RB1CC1: variants seen among roughly 807,000 people sequenced by gnomAD.
RB1CC1 encodes RB1 inducible coiled-coil 1.
RB1CC1 carries 46 observed loss-of-function variants against 177.5 expected under a neutral mutation model. The ratio of observed to expected loss-of-function variants is 0.26; its 90% CI spans 0.20 to 0.33. The LOEUF is 0.33. RB1CC1 is among the 10% of genes least tolerant of loss of function. The pLI is 1.00. For synonymous variants in RB1CC1, 666 were observed against 613.6 expected, an observed-to-expected ratio of 1.09 and a Z score of -1.26; for missense variants, 1,703 against 1,816.3, an observed-to-expected ratio of 0.94 and a Z score of 1.13.
intron 18 of RB1CC1, among the ~76,000 whole-genome samples, chr8:52,638,462 A>C (rs1849320938): frequency 6.6e-6 from 1 of 152,110 alleles, no homozygotes; most frequent in Non-Finnish European, 1.5e-5. Context: ...ATTAGTATAT[A>C]ATACTGGCCT....
chr8:52,635,837 G>C (rs1225805810), intron 19 of RB1CC1, among the ~76,000 whole-genome samples, 178 bp downstream of exon 19: 1 of 152,008 alleles, frequency 6.6e-6, no homozygotes, highest in African/African-American at 2.4e-5. Context: ...CAACTGTTTA[G>C]CTAGTAAGAT....
rs534101604 is a variant in RB1CC1, at chr8:52,635,069, C to A, written c.4393-101G>T. ...TTTCATCAGACAAAAATGTTTGGTT[C>A]GGGTATGAAAAGTTGATGGGGATAT... is the stretch of plus-strand genomic sequence containing the variant. On this transcript the variant is annotated intron_variant, in intron 19 of 23. Transcript: ENST00000025008. 6 of 1,100,278 alleles carry A rather than the reference C, an allele frequency of 5.5e-6. No individual in the cohort carries two copies. In the Admixed American group the frequency reaches 7.9e-5, roughly 14 times the overall value. The allele number at this position is 1,100,278 out of a possible 1,614,324, so 68.2% of individuals were successfully genotyped here.
chr8:52,625,575 T>C (rs1848329163), intron 22 of RB1CC1, among the ~76,000 whole-genome samples: 1 of 152,196 alleles, frequency 6.6e-6, no homozygotes, highest in Non-Finnish European at 1.5e-5. Context: ...ACCCATCCTA[T>C]ATTGAAAATA....
intron 1 of RB1CC1, among the ~76,000 whole-genome samples, chr8:52,711,795 C>T (rs187661893): frequency 5.1e-4 from 77 of 152,332 alleles, no homozygotes; most frequent in Middle Eastern, 3.4e-3. Context: ...CTCTCTCATA[C>T]CAGTCCAGCT....
chr8:52,695,028 G>C (rs529036636), intron 1 of RB1CC1, among the ~76,000 whole-genome samples: 8 of 152,184 alleles, frequency 5.3e-5, no homozygotes, highest in African/African-American at 1.2e-4. Flanking sequence ...TAGATAAATA[G>C]GCAAAGGGCA....
Position 52,658,780 on chromosome 8 carries a change from C to A in RB1CC1, c.1793+93G>T, listed in dbSNP as rs989151667. On this transcript the variant is annotated intron_variant, in intron 13 of 23. Transcript: ENST00000025008. The stretch of plus-strand genomic sequence containing the variant: ...ATCTTAAATATTTCTTATCTTGGCA[C>A]CTCTTAAGATTACTGGTACTACCTG... 7 of 778,602 alleles carry A rather than the reference C, an allele frequency of 9.0e-6. No homozygotes were observed. The African/African-American group carries it at 1.3e-4, about 14-fold the overall frequency. The allele number at this position is 778,602 out of a possible 1,614,324, so 48.2% of individuals were successfully genotyped here.
chr8:52,691,192 A>G (rs200647392), intron 1 of RB1CC1, among the ~76,000 whole-genome samples: 1 of 152,194 alleles, frequency 6.6e-6, no homozygotes, highest in Admixed American at 6.5e-5. Context: ...TGCATGATCT[A>G]CAGCCAATAT....
chr8:52,655,666 T>G (rs779493603), intron 15 of RB1CC1, among the ~76,000 whole-genome samples: 4 of 152,042 alleles, frequency 2.6e-5, no homozygotes, highest in Admixed American at 6.6e-5. Flanking sequence ...TATAAGTAAT[T>G]TTCTACTGAA....
chr8:52,647,818 G>A (rs952462374), intron 15 of RB1CC1, among the ~76,000 whole-genome samples: 16 of 152,144 alleles, frequency 1.1e-4, no homozygotes, highest in African/African-American at 2.2e-4. Context: ...GAATGATATC[G>A]TGTGAATCTA....
intron 16 of RB1CC1, among the ~76,000 whole-genome samples, chr8:52,644,903 A>G (rs190836230): frequency 2.0e-5 from 3 of 152,314 alleles, no homozygotes; most frequent in East Asian, 3.9e-4. Flanking sequence ...CCAAACTGCA[A>G]TATTATCCCT....
intron 18 of RB1CC1, among the ~76,000 whole-genome samples, chr8:52,641,483 CT>C (rs1449304648): frequency 6.6e-6 from 1 of 151,528 alleles, no homozygotes; most frequent in Non-Finnish European, 1.5e-5. Flanking sequence ...GTTATCATAA[CT>C]GTTATCTTGA....
intron 1 of RB1CC1, among the ~76,000 whole-genome samples, chr8:52,691,351 T>C (rs1055111050): frequency 2.6e-5 from 4 of 152,132 alleles, no homozygotes; most frequent in South Asian, 2.1e-4. Context: ...ATCTCTTCAT[T>C]TGACATGCAC....
intron 8 of RB1CC1, among the ~76,000 whole-genome samples, chr8:52,666,757 A>C (rs1433152783): frequency 6.6e-6 from 1 of 152,162 alleles, no homozygotes; most frequent in Non-Finnish European, 1.5e-5. Context: ...GCAAGTGGTT[A>C]GCTACAGTTA....
chr8:52,638,295 T>G lies in RB1CC1; in HGVS notation c.4338-2226A>C, dbSNP rs754153576. Among the ~76,000 whole-genome samples, 222 of 152,192 alleles carry G rather than the reference T, an allele frequency of 1.5e-3. 1 individual carries two copies. The highest frequency in any genetic ancestry group is 2.2e-3 in the Non-Finnish European group (153 of 68,038). On this transcript the variant is annotated intron_variant, in intron 18 of 23. Coordinates refer to ENST00000025008, the MANE Select transcript of RB1CC1 (RefSeq NM_014781.5). ...TATAGTGTATGACATAAATTGACTTTTAGATGTTAAACCAACCTTGCATTT... is the reference window on the plus strand; with the variant it reads ...TATAGTGTATGACATAAATTGACTTGTAGATGTTAAACCAACCTTGCATTT...
chr8:52,660,774 C>A, intron 11 of RB1CC1, 117 bp from the exon 12 acceptor site: 1 of 1,106,704 alleles, frequency 9.0e-7, no homozygotes, highest in Non-Finnish European at 1.3e-6. Context: ...TAAAATTTAA[C>A]AATGGATTCA....
chr8:52,634,985 G>T lies in RB1CC1; in HGVS notation c.4393-17C>A. ...TTGCAATGTCTGCAGGTGGAAAAAAGAGACCTGTGGTTTATCCTTGTACCT... is the reference window on the plus strand; with the variant it reads ...TTGCAATGTCTGCAGGTGGAAAAAATAGACCTGTGGTTTATCCTTGTACCT... On this transcript the variant is annotated splice_polypyrimidine_tract_variant and intron_variant, in intron 19 of 23. Transcript: ENST00000025008. The T allele has an allele frequency of 6.2e-7, 1 of 1,600,164 alleles. No homozygotes were observed. The highest frequency in any genetic ancestry group is 1.7e-5 in the Admixed American group (1 of 58,522).
At chr8:52,655,920 T>A in intron 15 of RB1CC1, 88 bp downstream of exon 15, 2 of 1,066,394 alleles carry the variant, frequency 1.9e-6, no homozygotes, top group Non-Finnish European at 2.6e-6. Context: ...TTACCCAAGG[T>A]AAATGAGTAA....
At chr8:52,708,605 AGTATTCT>A (rs1856793979) in intron 1 of RB1CC1, among the ~76,000 whole-genome samples, 1 of 152,194 alleles carries the variant, frequency 6.6e-6, no homozygotes, top group Non-Finnish European at 1.5e-5. Flanking sequence ...GGTGGCCTAT[AGTATTCT>A]TTCTCCTTTC....
intron 3 of RB1CC1, among the ~76,000 whole-genome samples, chr8:52,684,665 T>G (rs1478760442): frequency 6.6e-6 from 1 of 152,166 alleles, no homozygotes; most frequent in Non-Finnish European, 1.5e-5. Context: ...ACAAACAAAA[T>G]AAACCTATTG....
Sources: gnomAD v4.1 joint callset for allele counts (sites outside exome capture counted in the v4.1 genomes callset) on GRCh38, gnomAD v4.1.1 for gene constraint, MANE v1.5 for transcripts, NCBI Gene and HGNC (gene_info 2026-07-23, HGNC 2026-07-21) for gene names.